The following OR9Q1 variants were observed in gnomAD, a reference collection of about 807,000 sequenced individuals.
The protein encoded by OR9Q1 is olfactory receptor family 9 subfamily Q member 1, also known as olfactory receptor 9Q1.
For synonymous variants in OR9Q1, 153 were observed against 148.6 expected, an observed-to-expected ratio of 1.03 and a Z score of -0.22; for missense variants, 374 against 378.8, an observed-to-expected ratio of 0.99 and a Z score of 0.11.
intron 2 of OR9Q1, among the ~76,000 whole-genome samples, chr11:58,099,769 A>G (rs1277089699): frequency 6.6e-6 from 1 of 151,822 alleles, no homozygotes; most frequent in Admixed American, 6.6e-5. Flanking sequence ...TATTTGTCAC[A>G]TTTTCTCTTT....
intron 1 of OR9Q1, among the ~76,000 whole-genome samples, chr11:58,053,598 T>TAA (rs1853291050): frequency 3.6e-5 from 4 of 110,848 alleles, no homozygotes; most frequent in African/African-American, 1.2e-4. Flanking sequence ...TAAAGTATAA[T>TAA]AATAAAATTA....
rs532292667 is a variant in OR9Q1, at chr11:58,089,590, C to T, written c.-15+33643C>T. Among the ~76,000 whole-genome samples, 10 of 151,942 alleles carry T rather than the reference C, an allele frequency of 6.6e-5. No homozygotes were observed. The East Asian group carries it at 1.9e-3, about 29-fold the overall frequency. ...TAGTTTGAAGTCAGGCAGCATGATG[C>T]CTCCAGATTTGTTCTTTTTGCTTAG... On this transcript the variant is annotated intron_variant, in intron 2 of 2. Coordinates refer to ENST00000335397, the MANE Select transcript of OR9Q1 (RefSeq NM_001005212.4).
intron 2 of OR9Q1, among the ~76,000 whole-genome samples, chr11:58,083,653 GT>G (rs1414686666): frequency 6.7e-6 from 1 of 148,996 alleles, no homozygotes; most frequent in Non-Finnish European, 1.5e-5. Context: ...AAAGGTAAGG[GT>G]CCAGTTTCAT....
chr11:58,164,474 G>T (rs962765222), intron 2 of OR9Q1, among the ~76,000 whole-genome samples: 3 of 152,114 alleles, frequency 2.0e-5, no homozygotes, highest in African/African-American at 7.2e-5. Context: ...AAGAGCAGGG[G>T]TCATGAGCAG....
At chr11:58,113,104 G>T (rs1250662275) in intron 2 of OR9Q1, among the ~76,000 whole-genome samples, 4 of 152,140 alleles carry the variant, frequency 2.6e-5, no homozygotes, top group Admixed American at 1.3e-4. Context: ...TGAAGGGAAG[G>T]CTCAGCAGGT....
At chr11:58,127,616 A>AAT (rs1218701747) in intron 2 of OR9Q1, among the ~76,000 whole-genome samples, 1 of 152,122 alleles carries the variant, frequency 6.6e-6, no homozygotes, top group Non-Finnish European at 1.5e-5. Flanking sequence ...TCCCTTAGCT[A>AAT]ATGGCAATTC....
At chr11:58,058,683 C>T (rs148037324) in intron 2 of OR9Q1, among the ~76,000 whole-genome samples, 1 of 152,074 alleles carries the variant, frequency 6.6e-6, no homozygotes, top group South Asian at 2.1e-4. Context: ...TAGGCAATGA[C>T]GGTGGCCATG....
chr11:58,035,415 C>T (rs1853092077), intron 1 of OR9Q1, among the ~76,000 whole-genome samples: 1 of 152,124 alleles, frequency 6.6e-6, no homozygotes, highest in African/African-American at 2.4e-5. Context: ...TCCCCTATGT[C>T]AGTTGGTATT....
intron 2 of OR9Q1, among the ~76,000 whole-genome samples, chr11:58,105,845 A>G (rs569747840): frequency 4.9e-4 from 74 of 152,128 alleles, no homozygotes; most frequent in African/African-American, 1.7e-3. Context: ...TGTCTATACC[A>G]CATTTGGTTT....
intron 2 of OR9Q1, among the ~76,000 whole-genome samples, chr11:58,139,962 T>TA (rs1374655451): frequency 6.6e-6 from 1 of 151,908 alleles, no homozygotes; most frequent in African/African-American, 2.4e-5. Flanking sequence ...CCTGACTTTT[T>TA]AATGATCGCC....
intron 2 of OR9Q1, chr11:58,075,454 C>A (rs1853530602): frequency 6.6e-6 from 1 of 152,212 alleles, no homozygotes; most frequent in South Asian, 2.1e-4. Context: ...CCCCCAAATC[C>A]ATACATTGAA....
intron 2 of OR9Q1, among the ~76,000 whole-genome samples, chr11:58,071,225 C>T (rs149422763): frequency 0.035 from 5,303 of 152,244 alleles, 103 homozygotes; most frequent in East Asian, 0.061. Flanking sequence ...TGTTGGCTCA[C>T]GCCTGTAATC....
intron 1 of OR9Q1, among the ~76,000 whole-genome samples, chr11:58,043,367 C>T (rs1853185302): frequency 6.6e-6 from 1 of 152,226 alleles, no homozygotes; most frequent in Non-Finnish European, 1.5e-5. Context: ...TGAACCTGGT[C>T]TTCCTGCTCC....
intron 1 of OR9Q1, among the ~76,000 whole-genome samples, chr11:58,028,637 G>T (rs1386217072): frequency 2.0e-5 from 3 of 152,138 alleles, no homozygotes; most frequent in Non-Finnish European, 4.4e-5. Flanking sequence ...CTGCTACATT[G>T]TAAGTGAGGT....
At chr11:58,048,054 A>G (rs986771840) in intron 1 of OR9Q1, among the ~76,000 whole-genome samples, 8 of 152,192 alleles carry the variant, frequency 5.3e-5, no homozygotes, top group Non-Finnish European at 1.2e-4. Flanking sequence ...GTGAAAGACA[A>G]GATAATGGGG....
intron 1 of OR9Q1, among the ~76,000 whole-genome samples, chr11:58,053,477 T>G (rs928043064): frequency 1.4e-5 from 2 of 139,428 alleles, no homozygotes; most frequent in Non-Finnish European, 3.1e-5. Context: ...AGGGATAGCA[T>G]TAGGAGATAT....
chr11:58,028,353 G>A (rs1852995808), intron 1 of OR9Q1, among the ~76,000 whole-genome samples: 1 of 152,158 alleles, frequency 6.6e-6, no homozygotes, highest in South Asian at 2.1e-4. Context: ...AGTGAAGACA[G>A]GACTATCAAA....
chr11:58,078,134 A>G (rs1590575466), intron 2 of OR9Q1: 1 of 152,184 alleles, frequency 6.6e-6, no homozygotes, highest in Non-Finnish European at 1.5e-5. Flanking sequence ...ACTGCACTCC[A>G]GCCTGGGTGA....
chr11:58,145,949 G>T (rs1412706096), intron 2 of OR9Q1, among the ~76,000 whole-genome samples: 1 of 152,024 alleles, frequency 6.6e-6, no homozygotes, highest in Non-Finnish European at 1.5e-5. Flanking sequence ...TTTAGGATTT[G>T]TCATAGAAAA....
Sources: gnomAD v4.1 joint callset for allele counts (sites outside exome capture counted in the v4.1 genomes callset) on GRCh38, gnomAD v4.1.1 for gene constraint, MANE v1.5 for transcripts, NCBI Gene and HGNC (gene_info 2026-07-23, HGNC 2026-07-21) for gene names.